The following GSE1 variants were observed in gnomAD, a reference collection of about 807,000 sequenced individuals.
The protein encoded by GSE1 is Gse1 coiled-coil protein.
Under a neutral mutation model 112.6 loss-of-function variants are expected in GSE1, and 32 were observed. That is an observed-to-expected ratio of 0.28 (90% CI 0.21 to 0.38). The LOEUF is 0.38. Among genes scored for constraint, GSE1 ranks in the 10% least tolerant of loss-of-function variants. The pLI is 1.00. For synonymous variants in GSE1, 1,115 were observed against 735.6 expected (o/e 1.52, Z -8.35); for missense variants, 2,348 against 1,699.2 (o/e 1.38, Z -6.71).
At chr16:85,588,725 C>G (rs1263306820) in intron 1 of GSE1, among the ~76,000 whole-genome samples, 1 of 152,292 alleles carries the variant, frequency 6.6e-6, no homozygotes, top group African/African-American at 2.4e-5. Flanking sequence ...CGAAATCTGC[C>G]GTGGCCGTTA....
chr16:85,476,774 A>ATT (rs549006723), intron 2 of GSE1, among the ~76,000 whole-genome samples: 6,015 of 127,492 alleles, frequency 0.047, 448 homozygotes, highest in African/African-American at 0.16. Context: ...ACGCCTGACC[A>ATT]TTTTTTTTTT....
chr16:85,354,211 G>C (rs940721533), intron 1 of GSE1, among the ~76,000 whole-genome samples: 1 of 152,194 alleles, frequency 6.6e-6, no homozygotes, highest in African/African-American at 2.4e-5. Flanking sequence ...GCCATCTTCT[G>C]TTCTCTACTG....
At chr16:85,214,055 A>G (rs1378937069) in intron 1 of GSE1, among the ~76,000 whole-genome samples, 1 of 152,246 alleles carries the variant, frequency 6.6e-6, no homozygotes, top group African/African-American at 2.4e-5. Context: ...CACTGGGTAC[A>G]TAATATCCCA....
chr16:85,612,884 GGCTCC>G (rs1241009879), upstream of GSE1, among the ~76,000 whole-genome samples: 1 of 152,094 alleles, frequency 6.6e-6, no homozygotes, highest in African/African-American at 2.4e-5. Flanking sequence ...TGCGAGACAG[GGCTCC>G]GCTCACGTGG....
chr16:85,245,924 G>A (rs1385178257), intron 1 of GSE1, among the ~76,000 whole-genome samples: 3 of 151,144 alleles, frequency 2.0e-5, no homozygotes, highest in Non-Finnish European at 4.4e-5. Context: ...TGTGTGTGGG[G>A]AGGTGTCTGC....
chr16:85,633,544 C>A (rs925525929), intron 1 of GSE1, among the ~76,000 whole-genome samples: 5 of 152,346 alleles, frequency 3.3e-5, no homozygotes, highest in African/African-American at 1.2e-4. Context: ...GCCTCCTCCG[C>A]CTGGGCCTCA....
intron 2 of GSE1, among the ~76,000 whole-genome samples, chr16:85,469,862 A>C (rs972604812): frequency 6.6e-6 from 1 of 152,192 alleles, no homozygotes; most frequent in Non-Finnish European, 1.5e-5. Flanking sequence ...GGACACCACG[A>C]GTGGGAGGCA....
At chr16:85,416,731 G>A (rs1433985070) in intron 2 of GSE1, among the ~76,000 whole-genome samples, 3 of 152,278 alleles carry the variant, frequency 2.0e-5, no homozygotes, top group Non-Finnish European at 4.4e-5. Flanking sequence ...TGGAATTACA[G>A]GTTCCCTGGG....
At chr16:85,620,624 AC>A (rs1242324613) in intron 1 of GSE1, among the ~76,000 whole-genome samples, 1 of 152,278 alleles carries the variant, frequency 6.6e-6, no homozygotes, top group African/African-American at 2.4e-5. Flanking sequence ...TCACCCCGTA[AC>A]AGATAAGAAA....
At chr16:85,375,938 C>T (rs760619240) in intron 2 of GSE1, among the ~76,000 whole-genome samples, 2 of 152,194 alleles carry the variant, frequency 1.3e-5, no homozygotes, top group Non-Finnish European at 2.9e-5. Context: ...GGCTCAGAGA[C>T]GTGTGAGGTT....
At chr16:85,533,449 A>T (rs1160546273) in intron 2 of GSE1, among the ~76,000 whole-genome samples, 1 of 151,726 alleles carries the variant, frequency 6.6e-6, no homozygotes, top group Non-Finnish European at 1.5e-5. Flanking sequence ...ACAAACAAAA[A>T]ATCTCTGTTT....
At chr16:85,204,467 C>T (rs1429978835) in intron 1 of GSE1, among the ~76,000 whole-genome samples, 1 of 152,226 alleles carries the variant, frequency 6.6e-6, no homozygotes, top group Non-Finnish European at 1.5e-5. Context: ...GAGGAATTCT[C>T]AGTTCCTAGG....
chr16:85,556,402 C>A (rs1331731404), intron 1 of GSE1: 1 of 954,968 alleles, frequency 1.0e-6, no homozygotes. Flanking sequence ...CCGCGCGGCG[C>A]CGGCGCGCCC....
intron 1 of GSE1, among the ~76,000 whole-genome samples, chr16:85,355,064 G>A (rs1013939937): frequency 6.6e-6 from 1 of 152,240 alleles, no homozygotes; most frequent in Non-Finnish European, 1.5e-5. Context: ...GGTCTGGCCA[G>A]TGTCACCATA....
At position 85,666,206 on chromosome 16, in the gene GSE1, C is replaced by G. The variant is rs768956926; in HGVS notation, c.2989C>G (p.Pro997Ala). 2 of 1,613,686 alleles carry G rather than the reference C, an allele frequency of 1.2e-6. No homozygotes were observed. The highest frequency in any genetic ancestry group is 1.7e-6 in the Non-Finnish European group (2 of 1,180,048). Residue 997 changes from proline to alanine, a missense_variant, in exon 13 of 16, where the codon CCC becomes GCC. By Grantham distance (27) the Pro-to-Ala change is conservative. Transcript: ENST00000253458. ...GCTTCACTATATCCGGGGCGCTGCACCCAAGGACATTCCTGTGCCGCTGTC... is the reference window on the plus strand; with the variant it reads ...GCTTCACTATATCCGGGGCGCTGCAGCCAAGGACATTCCTGTGCCGCTGTC... Reference protein sequence around the residue: ...SMLHYIRGAAPKDIPVPLSHS... With the variant: ...SMLHYIRGAAAKDIPVPLSHS...
At chr16:85,274,250 G>A (rs1909139436) in intron 1 of GSE1, among the ~76,000 whole-genome samples, 1 of 151,856 alleles carries the variant, frequency 6.6e-6, no homozygotes, top group Non-Finnish European at 1.5e-5. Context: ...GGGCGTGGCA[G>A]CAGCCACCCC....
chr16:85,430,955 G>C (rs2049105721), intron 2 of GSE1, among the ~76,000 whole-genome samples: 1 of 152,196 alleles, frequency 6.6e-6, no homozygotes, highest in Non-Finnish European at 1.5e-5. Context: ...TTAAGACTCT[G>C]CACTTTGAGA....
chr16:85,207,216 C>G (rs570447429), intron 1 of GSE1, among the ~76,000 whole-genome samples: 1 of 152,320 alleles, frequency 6.6e-6, no homozygotes, highest in East Asian at 1.9e-4. Context: ...GGCACTGCTC[C>G]CCAGCAGAAC....
chr16:85,170,720 C>T (rs2074346085), exon 1 of GSE1: 2 of 985,668 alleles, frequency 2.0e-6, no homozygotes, highest in Non-Finnish European at 1.2e-6. Context: ...CCGTTCTTCC[C>T]CTTCCTGTGG....
Sources: gnomAD v4.1 joint callset for allele counts (sites outside exome capture counted in the v4.1 genomes callset) on GRCh38, gnomAD v4.1.1 for gene constraint, MANE v1.5 for transcripts, NCBI Gene and HGNC (gene_info 2026-07-23, HGNC 2026-07-21) for gene names.